BCAS3: variants seen among roughly 807,000 people sequenced by gnomAD.
BCAS3 encodes the protein BCAS4/BCAS3 fusion.
In BCAS3, 53 loss-of-function variants were observed where a neutral mutation model predicts 116.1. The ratio of observed to expected loss-of-function variants is 0.46; its 90% confidence interval spans 0.37 to 0.57. The LOEUF (loss-of-function observed/expected upper bound fraction) is 0.57. Ranked by LOEUF, BCAS3 falls within the 20% of genes least tolerant of loss-of-function variation. BCAS3 has a pLI of 0.00. For missense variants in BCAS3, 917 were observed against 1,165.4 expected, an observed-to-expected ratio of 0.79 and a Z score of 3.10; for synonymous variants, 391 against 408.2, an observed-to-expected ratio of 0.96 and a Z score of 0.51.
intron 13 of BCAS3, among the ~76,000 whole-genome samples, chr17:60,932,030 G>A (rs367836873): frequency 2.0e-5 from 3 of 151,990 alleles, no homozygotes; most frequent in African/African-American, 4.8e-5. Context: ...CTGAGATCGC[G>A]CCACTGTGCT....
intron 15 of BCAS3, among the ~76,000 whole-genome samples, chr17:61,011,084 G>A (rs2065081411): frequency 6.6e-6 from 1 of 151,976 alleles, no homozygotes; most frequent in African/African-American, 2.4e-5. Context: ...AAGACTTCAT[G>A]CAGTCCACTA....
intron 22 of BCAS3, among the ~76,000 whole-genome samples, chr17:61,234,627 C>T (rs1053216814): frequency 1.4e-4 from 21 of 152,014 alleles, no homozygotes; most frequent in African/African-American, 5.1e-4. Context: ...AGTTCCAGAC[C>T]AGCTTAGAGC....
At chr17:60,782,212 A>C (rs1256246221) in intron 6 of BCAS3, among the ~76,000 whole-genome samples, 3 of 152,254 alleles carry the variant, frequency 2.0e-5, no homozygotes, top group African/African-American at 7.2e-5. Context: ...GCACAGTGTG[A>C]GACCTAATAA....
In BCAS3 at chr17:61,003,499, C is replaced by A. The variant is rs369297356; in HGVS notation, c.1487-12252C>A. The stretch of plus-strand genomic sequence containing the variant: ...ATCGAGACAAGGTTTTGCCATTTTG[C>A]ACAATCTGGTCTCGATCTCCTGGTC... On this transcript the variant is annotated intron_variant, in intron 15 of 23. Coordinates refer to ENST00000407086, the MANE Select transcript of BCAS3 (RefSeq NM_017679.5). Among the ~76,000 whole-genome samples the A allele has an allele frequency of 4.7e-5, 7 of 150,352 alleles. No individual in the cohort carries two copies. In the East Asian group the frequency reaches 1.2e-3, roughly 26 times the overall value.
intron 5 of BCAS3, among the ~76,000 whole-genome samples, chr17:60,744,698 C>A (rs1237185416): frequency 6.6e-6 from 1 of 151,772 alleles, no homozygotes; most frequent in African/African-American, 2.4e-5. Context: ...CTCTGCTCCC[C>A]CCAACCCCCA....
intron 11 of BCAS3, among the ~76,000 whole-genome samples, chr17:60,909,580 A>G (rs2058379842): frequency 6.6e-6 from 1 of 152,084 alleles, no homozygotes; most frequent in Non-Finnish European, 1.5e-5. Context: ...TTTTTGTTCT[A>G]ATGATGATAC....
At chr17:61,207,538 T>C (rs951980751) in intron 22 of BCAS3, among the ~76,000 whole-genome samples, 5 of 152,054 alleles carry the variant, frequency 3.3e-5, no homozygotes, top group South Asian at 2.1e-4. Flanking sequence ...CTGTTTCCCA[T>C]GGCATTCTAT....
intron 22 of BCAS3, among the ~76,000 whole-genome samples, chr17:61,094,822 C>G (rs529357064): frequency 6.6e-6 from 1 of 151,844 alleles, no homozygotes; most frequent in South Asian, 2.1e-4. Flanking sequence ...CCAGCCTGGG[C>G]AACAAGAGTG....
chr17:61,123,970 A>T (rs2075926191), intron 22 of BCAS3, among the ~76,000 whole-genome samples: 1 of 152,174 alleles, frequency 6.6e-6, no homozygotes, highest in African/African-American at 2.4e-5. Context: ...TGTCTAATCA[A>T]ATTGATCTTC....
intron 22 of BCAS3, among the ~76,000 whole-genome samples, chr17:61,340,680 C>T (rs1319457208): frequency 6.6e-6 from 1 of 152,022 alleles, no homozygotes; most frequent in Non-Finnish European, 1.5e-5. Context: ...TTTCACCAGG[C>T]CGGTATGGCC....
At chr17:60,941,147 A>G (rs2060200306) in intron 13 of BCAS3, among the ~76,000 whole-genome samples, 1 of 152,342 alleles carries the variant, frequency 6.6e-6, no homozygotes, top group Admixed American at 6.5e-5. Context: ...AGGGAGAGGA[A>G]GCTTCCAGAT....
rs1292370530 is a variant in BCAS3 at position 61,141,359 on chromosome 17, A to G, written c.2425+56795A>G. Among the ~76,000 whole-genome samples the G allele has an allele frequency of 6.6e-6, 1 of 152,020 alleles. No individual in the cohort carries two copies. Among genetic ancestry groups the G allele is most frequent in the African/African-American group, 2.4e-5 (1 of 41,406 alleles). The stretch of plus-strand genomic sequence containing the variant: ...GACCGCTTGAGACCAGGAATTTGAG[A>G]CCAGTCTGGGCAACATACCAAGACT... On this transcript the variant is annotated intron_variant, in intron 22 of 23. Coordinates refer to ENST00000407086, the MANE Select transcript of BCAS3 (RefSeq NM_017679.5). This position sits in a 1 kb window ranked among gnomAD's most constrained non-coding sequence, Gnocchi z 4.3.
At chr17:61,269,897 G>A (rs1406691803) in intron 22 of BCAS3, among the ~76,000 whole-genome samples, 7 of 151,006 alleles carry the variant, frequency 4.6e-5, no homozygotes, top group Non-Finnish European at 7.4e-5. Flanking sequence ...TCCGCCTCCC[G>A]GGTTCAAACG....
At chr17:60,815,678 A>G (rs1453151704) in intron 7 of BCAS3, among the ~76,000 whole-genome samples, 3 of 152,238 alleles carry the variant, frequency 2.0e-5, no homozygotes, top group African/African-American at 7.2e-5. Context: ...CAGGGAGCCA[A>G]TGAAGTCTGA....
chr17:61,146,220 C>T (rs767631996), intron 22 of BCAS3, among the ~76,000 whole-genome samples: 73 of 151,612 alleles, frequency 4.8e-4, no homozygotes, highest in Non-Finnish European at 1.5e-4. Context: ...GATCCTCCCA[C>T]GTCAGTCTCC....
At chr17:60,888,837 ATTTTC>A (rs71962021) in intron 9 of BCAS3, among the ~76,000 whole-genome samples, 24,177 of 151,916 alleles carry the variant, frequency 0.16, 2,059 homozygotes, top group African/African-American at 0.22. Context: ...TAAGTTTATT[ATTTTC>A]TTTTCAAGAC....
intron 6 of BCAS3, among the ~76,000 whole-genome samples, chr17:60,776,148 A>G (rs939231830): frequency 1.3e-5 from 2 of 152,194 alleles, no homozygotes; most frequent in African/African-American, 2.4e-5. Flanking sequence ...TTCTTTGTAT[A>G]AAGTCGTGCT....
At chr17:61,253,775 C>T (rs1293237362) in intron 22 of BCAS3, among the ~76,000 whole-genome samples, 1 of 151,790 alleles carries the variant, frequency 6.6e-6, no homozygotes, top group Non-Finnish European at 1.5e-5. Flanking sequence ...TTTTGCCTTT[C>T]CATTTTTGTT....
chr17:61,288,679 T>C (rs934600861), intron 22 of BCAS3, among the ~76,000 whole-genome samples: 7 of 152,128 alleles, frequency 4.6e-5, no homozygotes, highest in African/African-American at 1.2e-4. Flanking sequence ...CCACAAGATA[T>C]GGCGCACTGA....
Sources: allele counts gnomAD v4.1 joint callset (sites outside exome capture counted in the v4.1 genomes callset), GRCh38; gene constraint gnomAD v4.1.1; non-coding constraint Gnocchi (gnomAD v3.1); transcripts MANE v1.5; gene names NCBI Gene and HGNC (gene_info 2026-07-23, HGNC 2026-07-21).